The following PRKCE variants were observed in gnomAD, a reference collection of about 807,000 sequenced individuals.
PRKCE encodes the protein protein kinase C epsilon type.
Under a neutral mutation model 85.4 loss-of-function variants are expected in PRKCE, and 16 were observed. The observed-to-expected ratio is 0.19, with a 90% CI of 0.13 to 0.28. The LOEUF (loss-of-function observed/expected upper bound fraction) is 0.28. Among genes scored for constraint, PRKCE ranks in the 10% least tolerant of loss-of-function variants. The pLI, the probability that PRKCE is intolerant of heterozygous loss-of-function variation, is 1.00. For synonymous variants in PRKCE, 388 were observed against 371.5 expected (o/e 1.04, Z -0.51); for missense variants, 573 against 975.2 (o/e 0.59, Z 5.49).
At chr2:46,026,543 G>A (rs1042785977) in intron 10 of PRKCE, among the ~76,000 whole-genome samples, 4 of 152,162 alleles carry the variant, frequency 2.6e-5, no homozygotes, top group Non-Finnish European at 5.9e-5. Context: ...AAAATATTTA[G>A]GTTGAAAAGG....
rs913463476 is a variant in PRKCE, at chr2:45,955,980, C to G, written c.413-20449C>G. Among the ~76,000 whole-genome samples the G allele has an allele frequency of 2.0e-5, 3 of 152,226 alleles. No homozygotes were observed. The South Asian group carries it at 6.2e-4, about 32-fold the overall frequency. ...TTCATAGTCAAGCCCTTTGCTCACC[C>G]TCAGCCCCGGGTAACCGCTGCGGTC... On this transcript the variant is annotated intron_variant, in intron 2 of 14. Transcript: ENST00000306156.
At chr2:46,083,242 C>T (rs11125047) in intron 10 of PRKCE, among the ~76,000 whole-genome samples, 53,166 of 152,124 alleles carry the variant, frequency 0.35, 10,108 homozygotes, top group African/African-American at 0.48. Context: ...TGAGCCACTA[C>T]GCCCGGCCCA....
At chr2:46,180,387 G>T (rs557625468) in intron 14 of PRKCE, among the ~76,000 whole-genome samples, 4 of 152,284 alleles carry the variant, frequency 2.6e-5, no homozygotes, top group South Asian at 4.2e-4. Flanking sequence ...CTCCTGAAGG[G>T]CCTCAGAAGC....
At chr2:45,977,794 A>C (rs573479262) in intron 3 of PRKCE, among the ~76,000 whole-genome samples, 2 of 152,270 alleles carry the variant, frequency 1.3e-5, no homozygotes, top group Non-Finnish European at 2.9e-5. Context: ...TTCTACCCCT[A>C]GTAGTCTGAC....
intron 1 of PRKCE, among the ~76,000 whole-genome samples, chr2:45,766,013 C>A (rs1684884136): frequency 6.6e-6 from 1 of 152,148 alleles, no homozygotes; most frequent in Non-Finnish European, 1.5e-5. Context: ...ATCCCCTCCC[C>A]CACCTCCAGG....
At chr2:45,677,523 A>AT (rs1163124222) in intron 1 of PRKCE, among the ~76,000 whole-genome samples, 1 of 151,816 alleles carries the variant, frequency 6.6e-6, no homozygotes, top group Non-Finnish European at 1.5e-5. Flanking sequence ...CGCCCGGCTA[A>AT]TTTTTTGTAT....
intron 2 of PRKCE, among the ~76,000 whole-genome samples, chr2:45,927,693 C>T (rs1050932712): frequency 3.9e-5 from 6 of 152,318 alleles, no homozygotes; most frequent in Non-Finnish European, 7.4e-5. Flanking sequence ...TAAAATCTCT[C>T]GCATAGAGGC....
rs193206014 is a variant in PRKCE at position 46,155,083 on chromosome 2, T to G, written c.1920+3854T>G. On this transcript the variant is annotated intron_variant, in intron 13 of 14. Transcript: ENST00000306156. This position sits in a 1 kb window ranked among gnomAD's most constrained non-coding sequence, Gnocchi z 4.7. ...AGAGCCCAGCAGGAGCTGTGGAAGG[T>G]GAACAGGACTGGGTGGGGCAGGGTA... Among the ~76,000 whole-genome samples, 1 of 152,202 alleles carries G rather than the reference T, an allele frequency of 6.6e-6. No homozygotes were observed. The highest frequency in any genetic ancestry group is 2.4e-5 in the African/African-American group (1 of 41,510).
intron 10 of PRKCE, among the ~76,000 whole-genome samples, chr2:46,023,127 A>T (rs956165942): frequency 6.0e-5 from 9 of 149,586 alleles, no homozygotes; most frequent in African/African-American, 2.2e-4. Flanking sequence ...ATATAGATAG[A>T]TCCCAAGCTG....
chr2:45,794,317 G>A (rs970688114), intron 1 of PRKCE, among the ~76,000 whole-genome samples: 2 of 152,118 alleles, frequency 1.3e-5, no homozygotes, highest in African/African-American at 2.4e-5. Context: ...ATGGAGTGGC[G>A]CACTCTGGGC....
intron 11 of PRKCE, among the ~76,000 whole-genome samples, chr2:46,123,652 C>T (rs1331083501): frequency 7.2e-5 from 11 of 152,146 alleles, no homozygotes; most frequent in Non-Finnish European, 1.6e-4. Flanking sequence ...CCATGCCCAA[C>T]TAATTTTTGT....
intron 2 of PRKCE, among the ~76,000 whole-genome samples, chr2:45,860,246 C>T (rs1693037746): frequency 1.3e-5 from 2 of 152,340 alleles, no homozygotes; most frequent in South Asian, 4.1e-4. Context: ...TTAATAGTAG[C>T]CATGTTATCA....
intron 1 of PRKCE, among the ~76,000 whole-genome samples, chr2:45,778,574 GAC>G (rs1420818930): frequency 6.6e-6 from 1 of 152,134 alleles, no homozygotes; most frequent in Non-Finnish European, 1.5e-5. Context: ...CCTCTACACA[GAC>G]ACTAAGGGCT....
At chr2:46,181,029 C>T (rs1679926754) in intron 14 of PRKCE, among the ~76,000 whole-genome samples, 1 of 152,156 alleles carries the variant, frequency 6.6e-6, no homozygotes. Context: ...GACATTTAGG[C>T]ATTAGGGGAG....
At chr2:46,074,703 C>G (rs1309370298) in intron 10 of PRKCE, among the ~76,000 whole-genome samples, 1 of 152,200 alleles carries the variant, frequency 6.6e-6, no homozygotes, top group Non-Finnish European at 1.5e-5. Flanking sequence ...TGCGTAGGTT[C>G]TGTGTGAGGC....
chr2:45,884,973 A>G (rs1373704528), intron 2 of PRKCE, among the ~76,000 whole-genome samples: 1 of 60,486 alleles, frequency 1.7e-5, no homozygotes, highest in Non-Finnish European at 3.6e-5. Context: ...ATATATATAT[A>G]TATATATATA....
chr2:46,089,431 G>A (rs1669952086), intron 11 of PRKCE, among the ~76,000 whole-genome samples: 1 of 152,066 alleles, frequency 6.6e-6, no homozygotes, highest in Admixed American at 6.6e-5. Context: ...CTAGCTCACT[G>A]CCCCTTGGTT....
rs146579228 is a variant in PRKCE at position 45,737,926 on chromosome 2, A to T, written c.348+85478A>T. On this transcript the variant is annotated intron_variant, in intron 1 of 14. Coordinates refer to ENST00000306156, the MANE Select transcript of PRKCE (RefSeq NM_005400.3). Reference sequence around the variant, plus strand: ...CCAACCTTAGCACCCCTTCCTGATTATACAGCACCTCCATTCTTCCATCTC... The same window carrying T: ...CCAACCTTAGCACCCCTTCCTGATTTTACAGCACCTCCATTCTTCCATCTC... Among the ~76,000 whole-genome samples the T allele has an allele frequency of 2.4e-3, 360 of 152,272 alleles. 2 individuals are homozygous for T. Among genetic ancestry groups the T allele is most frequent in the African/African-American group, 8.1e-3 (335 of 41,546 alleles).
At chr2:45,791,388 T>G (rs576032862) in intron 1 of PRKCE, among the ~76,000 whole-genome samples, 2 of 152,282 alleles carry the variant, frequency 1.3e-5, no homozygotes, top group Admixed American at 6.5e-5. Context: ...CAGAGTCCCT[T>G]TACCCATGGA....
Sources: gnomAD v4.1 joint callset for allele counts (sites outside exome capture counted in the v4.1 genomes callset) on GRCh38, gnomAD v4.1.1 for gene constraint, Gnocchi (gnomAD v3.1) non-coding constraint, MANE v1.5 for transcripts, NCBI Gene and HGNC (gene_info 2026-07-23, HGNC 2026-07-21) for gene names.